The following USP28 variants were observed in gnomAD, a reference collection of about 807,000 sequenced individuals.
The protein encoded by USP28 is ubiquitin carboxyl-terminal hydrolase 28.
In USP28, 113 loss-of-function variants were observed where a neutral mutation model predicts 145.0. That is an observed-to-expected ratio of 0.78 (90% CI 0.67 to 0.91). The LOEUF (loss-of-function observed/expected upper bound fraction) is 0.91. Among genes scored for constraint, USP28 ranks in the 40% least tolerant of loss-of-function variants. The probability of loss-of-function intolerance (pLI) is 0.00; values close to 1 mark genes in which losing one functional copy is unlikely to be tolerated. For synonymous variants in USP28, 447 were observed against 450.9 expected, an observed-to-expected ratio of 0.99 and a Z score of 0.11; for missense variants, 1,201 against 1,289.6, an observed-to-expected ratio of 0.93 and a Z score of 1.05.
chr11:113,823,465 C>G (rs1942923955), intron 12 of USP28, 140 bp downstream of exon 12: 1 of 682,592 alleles, frequency 1.5e-6, no homozygotes, highest in Non-Finnish European at 2.4e-6. Context: ...CTGCTTCACA[C>G]TTAGACAAAA....
intron 1 of USP28, among the ~76,000 whole-genome samples, chr11:113,867,417 C>T (rs1036834375): frequency 1.3e-5 from 2 of 151,726 alleles, no homozygotes; most frequent in Non-Finnish European, 2.9e-5. Context: ...CAGGTGCTCA[C>T]CACCACATCT....
rs555680247 is a variant in USP28, at chr11:113,855,665, C to T, written c.58-1330G>A. ...GGCATGGTGGCTCATGCCTGTAATCCCAGCACTTTGGGAGGCCAGGGTGGG... is the reference window on the plus strand; with the variant it reads ...GGCATGGTGGCTCATGCCTGTAATCTCAGCACTTTGGGAGGCCAGGGTGGG... On this transcript the variant is annotated intron_variant, in intron 1 of 24. Transcript: ENST00000003302. Among the ~76,000 whole-genome samples the T allele has an allele frequency of 2.6e-5, 4 of 152,276 alleles. No homozygotes were observed. In the South Asian group the frequency reaches 6.2e-4, roughly 24 times the overall value.
chr11:113,800,052 C>T (rs2135027217), intron 24 of USP28, among the ~76,000 whole-genome samples: 1 of 152,038 alleles, frequency 6.6e-6, no homozygotes, highest in African/African-American at 2.4e-5. Flanking sequence ...GTCGCCCAGG[C>T]TGGAGTGCAG....
intron 17 of USP28, 64 bp from the exon 18 acceptor site, chr11:113,808,501 A>G (rs1194634493): frequency 1.3e-6 from 2 of 1,570,682 alleles, no homozygotes; most frequent in Non-Finnish European, 1.7e-6. Flanking sequence ...ACTCAGATAA[A>G]AAGCAAGCAG....
intron 5 of USP28, among the ~76,000 whole-genome samples, chr11:113,839,504 G>A (rs1292193017): frequency 6.6e-6 from 1 of 152,184 alleles, no homozygotes; most frequent in Non-Finnish European, 1.5e-5. Flanking sequence ...AGGATCCCTT[G>A]AACCTGGGAG....
intron 13 of USP28, among the ~76,000 whole-genome samples, chr11:113,815,698 T>A (rs1336146135): frequency 6.6e-6 from 1 of 152,206 alleles, no homozygotes. Context: ...CTTTAGCTCA[T>A]GTTCTCTGAT....
chr11:113,801,783 T>G, intron 23 of USP28, 105 bp from the exon 25 acceptor site: 1 of 912,396 alleles, frequency 1.1e-6, no homozygotes, highest in Admixed American at 2.7e-5. Context: ...GCACATTGGA[T>G]GTACTTAGGG....
intron 16 of USP28, among the ~76,000 whole-genome samples, chr11:113,811,396 C>A (rs1214897060): frequency 6.6e-6 from 1 of 152,150 alleles, no homozygotes; most frequent in African/African-American, 2.4e-5. Flanking sequence ...GGCAAATACA[C>A]CTGTAAAATT....
In USP28 at chr11:113,844,739, ATAATAT is replaced by A. The variant is rs575129628; in HGVS notation, c.269-2977_269-2972del. Among the ~76,000 whole-genome samples the A allele has an allele frequency of 3.9e-3, 599 of 152,294 alleles. 11 individuals carry two copies. The highest frequency in any genetic ancestry group is 2.9e-3 in the Non-Finnish European group (197 of 68,022). ...CACCCATAGGGACAGCTATCAAAAA[ATAATAT>A]TAATAATAAAACTGGCAAGGAAGTG... On this transcript the variant is annotated intron_variant, in intron 3 of 24. Transcript: ENST00000003302.
chr11:113,827,319 G>C, exon 11 of USP28: 1 of 1,612,216 alleles, frequency 6.2e-7, no homozygotes, highest in Non-Finnish European at 8.5e-7. Flanking sequence ...CAAATCTTGA[G>C]AGTTCAAAGG....
chr11:113,842,024 A>C (rs534535212), intron 3 of USP28, among the ~76,000 whole-genome samples: 11 of 152,326 alleles, frequency 7.2e-5, no homozygotes, highest in African/African-American at 2.6e-4. Context: ...CTCACTCCAC[A>C]AAGTCAAAAG....
intron 1 of USP28, among the ~76,000 whole-genome samples, chr11:113,860,171 G>A (rs143239449): frequency 1.0e-3 from 159 of 152,180 alleles, no homozygotes; most frequent in African/African-American, 3.6e-3. Context: ...ATTACTAATC[G>A]TTAAAACTCC....
chr11:113,807,990 C>A (rs1346128270), intron 18 of USP28: 3 of 1,196,286 alleles, frequency 2.5e-6, no homozygotes, highest in Non-Finnish European at 2.1e-6. Flanking sequence ...TAACCAGAAT[C>A]CTTCCCACAC....
At chr11:113,852,845 T>C (rs1464972877) in intron 2 of USP28, among the ~76,000 whole-genome samples, 1 of 152,078 alleles carries the variant, frequency 6.6e-6, no homozygotes, top group Non-Finnish European at 1.5e-5. Flanking sequence ...TGCTCTGACT[T>C]CCCACAACAC....
At chr11:113,821,917 GGTGGGGGA>G (rs1189664157) in intron 12 of USP28, 1 of 152,210 alleles carries the variant, frequency 6.6e-6, no homozygotes, top group Non-Finnish European at 1.5e-5. Context: ...GTGAGGGTGG[GGTGGGGGA>G]GTGGGGGAAT....
chr11:113,827,642 T>G (rs571210276), intron 10 of USP28, among the ~76,000 whole-genome samples: 1 of 152,292 alleles, frequency 6.6e-6, no homozygotes, highest in Non-Finnish European at 1.5e-5. Flanking sequence ...AAACCACCCT[T>G]GAATATGTGA....
chr11:113,798,066 G>GTTTTTTTTTTT (rs528048657), exon 25 of USP28: 2 of 91,252 alleles, frequency 2.2e-5, no homozygotes, highest in Admixed American at 1.5e-4. Context: ...ATGTATGCTG[G>GTTTTTTTTTTT]TTTTTTTTTT....
intron 5 of USP28, among the ~76,000 whole-genome samples, chr11:113,840,261 C>T (rs1323611503): frequency 6.6e-6 from 1 of 152,214 alleles, no homozygotes; most frequent in Admixed American, 6.5e-5. Context: ...ACTTCTGCCA[C>T]TTCTCTACTC....
intron 17 of USP28, 43 bp downstream of exon 17, chr11:113,809,020 T>C (rs1170488881): frequency 1.3e-6 from 2 of 1,530,578 alleles, no homozygotes; most frequent in East Asian, 2.3e-5. Flanking sequence ...GAGTACAGCA[T>C]GAGATGTTAC....
Sources: allele counts gnomAD v4.1 joint callset (sites outside exome capture counted in the v4.1 genomes callset), GRCh38; gene constraint gnomAD v4.1.1; transcripts MANE v1.5; gene names NCBI Gene and HGNC (gene_info 2026-07-23, HGNC 2026-07-21).